Variants in DPYD observed in about 807,000 individuals in gnomAD.
DPYD encodes dihydropyrimidine dehydrogenase [NADP(+)].
A neutral mutation model predicts 116.2 loss-of-function variants in DPYD; 109 were observed. The ratio of observed to expected loss-of-function variants is 0.94; its 90% CI spans 0.80 to 1.10. The LOEUF (loss-of-function observed/expected upper bound fraction) is 1.10, where lower values mean the gene tolerates loss of function less well. Ranked by LOEUF, DPYD falls within the 50% of genes least tolerant of loss-of-function variation. DPYD has a pLI of 0.00. For missense variants in DPYD, 1,302 were observed against 1,254.5 expected (o/e 1.04, Z -0.57); for synonymous variants, 440 against 432.0 (o/e 1.02, Z -0.23).
At chr1:97,901,331 C>A (rs61211497) in intron 1 of DPYD, among the ~76,000 whole-genome samples, 3,009 of 151,904 alleles carry the variant, frequency 0.02, 89 homozygotes, top group African/African-American at 0.065. Context: ...ATACTGAAAT[C>A]AATTTTGCGC....
rs557677020 is a variant in DPYD, at chr1:97,250,324, ATTGT to A, written c.2300-15334_2300-15331del. On this transcript the variant is annotated intron_variant, in intron 18 of 22. Coordinates refer to ENST00000370192, the MANE Select transcript of DPYD (RefSeq NM_000110.4). ...AAATAAAGATAAATCACTTTGGATA[ATTGT>A]TTGACAGTTTCTTTAAAAAATGACA... Among the ~76,000 whole-genome samples the A allele has an allele frequency of 1.9e-3, 296 of 152,262 alleles. 1 individual carries two copies. Among genetic ancestry groups the A allele is most frequent in the Non-Finnish European group, 2.9e-3 (197 of 68,002 alleles).
chr1:97,305,690 G>C (rs545026712), intron 17 of DPYD, among the ~76,000 whole-genome samples: 1 of 151,972 alleles, frequency 6.6e-6, no homozygotes, highest in African/African-American at 2.4e-5. Context: ...CCCTGGGATG[G>C]AACACAAGCA....
At chr1:97,805,016 G>A (rs951291858) in intron 3 of DPYD, among the ~76,000 whole-genome samples, 14 of 151,752 alleles carry the variant, frequency 9.2e-5, no homozygotes, top group Non-Finnish European at 1.9e-4. Flanking sequence ...ATTTTGATTC[G>A]TTTAAATGAA....
At chr1:97,130,822 TTTCTTTCTTCTTTC>T (rs1213686520) in intron 20 of DPYD, among the ~76,000 whole-genome samples, 2 of 37,468 alleles carry the variant, frequency 5.3e-5, no homozygotes, top group African/African-American at 1.6e-4. Flanking sequence ...TCTTTCTTCC[TTTCTTTCTTCTTTC>T]TCCTTCCTTC....
chr1:97,888,545 A>G lies in DPYD; in HGVS notation c.40-5171T>C, dbSNP rs557423061. ...TCAGGAAGCTCAATGAATGTGAAGT[A>G]TGCTAAATGTAAAGAGATCCACACA... On this transcript the variant is annotated intron_variant, in intron 1 of 22. Transcript: ENST00000370192. Among the ~76,000 whole-genome samples, 4 of 152,072 alleles carry G rather than the reference A, an allele frequency of 2.6e-5. No homozygotes were observed. In the South Asian group the frequency reaches 8.3e-4, roughly 32 times the overall value.
At chr1:97,510,901 A>G (rs1230862004) in intron 13 of DPYD, among the ~76,000 whole-genome samples, 1 of 151,946 alleles carries the variant, frequency 6.6e-6, no homozygotes, top group Admixed American at 6.6e-5. Context: ...AGCCACCTTG[A>G]TAAGACATTG....
chr1:97,407,516 T>C (rs981218653), intron 14 of DPYD, among the ~76,000 whole-genome samples: 3 of 152,188 alleles, frequency 2.0e-5, no homozygotes, highest in African/African-American at 7.2e-5. Flanking sequence ...TAGCTCATCA[T>C]GTCCCTGTGG....
chr1:97,571,454 A>G (rs953149495), intron 11 of DPYD, among the ~76,000 whole-genome samples: 1 of 151,980 alleles, frequency 6.6e-6, no homozygotes, highest in Non-Finnish European at 1.5e-5. Context: ...ATTATCAATC[A>G]TAAAATGCAG....
intron 21 of DPYD, among the ~76,000 whole-genome samples, chr1:97,088,773 C>T (rs553679484): frequency 1.1e-4 from 16 of 152,260 alleles, no homozygotes; most frequent in Admixed American, 2.0e-4. Context: ...AATCACATTT[C>T]TACAAATCCC....
intron 2 of DPYD, among the ~76,000 whole-genome samples, chr1:97,874,732 T>C (rs1558024181): frequency 1.3e-5 from 2 of 151,896 alleles, no homozygotes; most frequent in African/African-American, 2.4e-5. Flanking sequence ...TCCAGTGCTA[T>C]GGAAAGCTAT....
intron 3 of DPYD, among the ~76,000 whole-genome samples, chr1:97,752,142 C>G (rs1436485554): frequency 1.3e-5 from 2 of 151,974 alleles, no homozygotes; most frequent in Non-Finnish European, 2.9e-5. Flanking sequence ...TGAAATAGCA[C>G]ATTTGGAAAG....
At chr1:97,482,243 C>T (rs896653935) in intron 13 of DPYD, among the ~76,000 whole-genome samples, 16 of 152,170 alleles carry the variant, frequency 1.1e-4, no homozygotes, top group African/African-American at 3.9e-4. Context: ...CTTCCCATTG[C>T]ATTAAACTGT....
chr1:97,484,584 C>T (rs1034345489), intron 13 of DPYD, among the ~76,000 whole-genome samples: 1 of 152,138 alleles, frequency 6.6e-6, no homozygotes, highest in African/African-American at 2.4e-5. Context: ...ATTCCCTCCT[C>T]TTTATTCGCT....
At chr1:97,448,904 T>G (rs1189343307) in intron 14 of DPYD, among the ~76,000 whole-genome samples, 2 of 152,120 alleles carry the variant, frequency 1.3e-5, no homozygotes, top group African/African-American at 2.4e-5. Flanking sequence ...GTATTTTATT[T>G]TATTTCACGT....
chr1:97,416,888 C>T (rs969356104), intron 14 of DPYD, among the ~76,000 whole-genome samples: 2 of 152,008 alleles, frequency 1.3e-5, no homozygotes, highest in Non-Finnish European at 2.9e-5. Context: ...CAGCATTTAC[C>T]CTCAAATAAA....
At chr1:97,602,786 C>CA (rs921261648) in intron 8 of DPYD, among the ~76,000 whole-genome samples, 6 of 150,478 alleles carry the variant, frequency 4.0e-5, no homozygotes, top group South Asian at 4.2e-4. Flanking sequence ...ACCCTTTGGA[C>CA]AAAAAAAAGA....
chr1:97,236,679 G>GCTCT (rs1661952980), intron 18 of DPYD, among the ~76,000 whole-genome samples: 1 of 152,112 alleles, frequency 6.6e-6, no homozygotes, highest in Admixed American at 6.6e-5. Flanking sequence ...CACACTTAGA[G>GCTCT]AATGTATCTG....
At chr1:97,768,380 C>A (rs376176972) in intron 3 of DPYD, among the ~76,000 whole-genome samples, 1 of 152,054 alleles carries the variant, frequency 6.6e-6, no homozygotes, top group South Asian at 2.1e-4. Context: ...TTTATTTCAA[C>A]GTGAATTGAT....
intron 1 of DPYD, among the ~76,000 whole-genome samples, chr1:97,913,613 C>A (rs527364211): frequency 3.9e-5 from 6 of 152,124 alleles, no homozygotes; most frequent in Admixed American, 2.0e-4. Flanking sequence ...AATTTTCACA[C>A]GACCTTTTCA....
Sources: allele counts gnomAD v4.1 joint callset (sites outside exome capture counted in the v4.1 genomes callset), GRCh38; gene constraint gnomAD v4.1.1; transcripts MANE v1.5; gene names NCBI Gene and HGNC (gene_info 2026-07-23, HGNC 2026-07-21).